The following RABEP1 variants were observed in gnomAD, a reference collection of about 807,000 sequenced individuals.
RABEP1 encodes the protein rabaptin, RAB GTPase binding effector protein 1, also known as rab GTPase-binding effector protein 1.
A neutral mutation model predicts 123.4 loss-of-function variants in RABEP1; 51 were observed. That is an observed-to-expected ratio of 0.41 (90% confidence interval 0.33 to 0.52). The LOEUF (loss-of-function observed/expected upper bound fraction) is 0.52, where lower values mean the gene tolerates loss of function less well. Ranked by LOEUF, RABEP1 falls within the 20% of genes least tolerant of loss-of-function variation. The probability of loss-of-function intolerance (pLI) is 0.16; values close to 1 mark genes in which losing one functional copy is unlikely to be tolerated. For missense variants in RABEP1, 888 were observed against 996.3 expected (o/e 0.89, Z 1.46); for synonymous variants, 347 against 355.2 (o/e 0.98, Z 0.26).
intron 6 of RABEP1, among the ~76,000 whole-genome samples, chr17:5,348,744 G>T (rs183744804): frequency 3.9e-4 from 59 of 152,078 alleles, no homozygotes; most frequent in African/African-American, 1.3e-3. Flanking sequence ...TGTATTTTTA[G>T]TAGAGATGGG....
rs779665772 is a variant in RABEP1, at chr17:5,377,164, C to T, written c.2074C>T (p.Arg692Trp). The T allele has an allele frequency of 1.4e-5, 22 of 1,610,420 alleles. No homozygotes were observed. Among genetic ancestry groups the T allele is most frequent in the South Asian group, 1.2e-4 (11 of 90,318 alleles). ...ATACCGTGAGGACATCATTAATGTG[C>T]GGACAGCAGCAGACCACGTAGAAGA... The part of the protein sequence containing the change: ...LKYREDIINV[R>W]TAADHVEEKL... The change falls in exon 14 of 18, where the codon CGG (arginine) becomes TGG (tryptophan). Residue 692 changes from arginine to tryptophan, a missense_variant. Coordinates refer to ENST00000537505, the MANE Select transcript of RABEP1 (RefSeq NM_004703.6).
chr17:5,356,726 C>CCT (rs1224302464), intron 8 of RABEP1, among the ~76,000 whole-genome samples: 1 of 140,686 alleles, frequency 7.1e-6, no homozygotes, highest in Non-Finnish European at 1.5e-5. Context: ...TCTTGGCTCA[C>CCT]TGCAGCCTTG....
At chr17:5,291,646 G>A (rs1036884989) in intron 1 of RABEP1, among the ~76,000 whole-genome samples, 2 of 152,086 alleles carry the variant, frequency 1.3e-5, no homozygotes, top group African/African-American at 4.8e-5. Flanking sequence ...GGTGGCTCAC[G>A]CCTGTAATCT....
chr17:5,373,564 A>G (rs1057339160), intron 13 of RABEP1, 110 bp downstream of exon 13: 22 of 1,222,034 alleles, frequency 1.8e-5, no homozygotes, highest in Admixed American at 7.6e-5. Flanking sequence ...TGCCAATTCA[A>G]CCATTTAAAA....
At chr17:5,331,870 T>G in intron 2 of RABEP1, 79 bp from the exon 3 acceptor site, 4 of 1,311,356 alleles carry the variant, frequency 3.1e-6, no homozygotes, top group Non-Finnish European at 4.3e-6. Flanking sequence ...ATTTTAAAAT[T>G]TAATACCTTA....
chr17:5,286,949 T>C (rs114071527), intron 1 of RABEP1, among the ~76,000 whole-genome samples: 4,459 of 152,204 alleles, frequency 0.029, 73 homozygotes, highest in Middle Eastern at 0.065. Context: ...TTGAAGTAGA[T>C]AGAGGAGTTA....
intron 1 of RABEP1, among the ~76,000 whole-genome samples, chr17:5,305,915 A>G (rs1165060786): frequency 5.9e-5 from 9 of 152,152 alleles, no homozygotes. Flanking sequence ...TAGAGACCCT[A>G]CATGTTAGTT....
intron 5 of RABEP1, among the ~76,000 whole-genome samples, chr17:5,346,054 T>A (rs889413906): frequency 2.0e-5 from 3 of 152,144 alleles, no homozygotes; most frequent in African/African-American, 2.4e-5. Context: ...GTATTTTTTT[T>A]AAAGATGTGG....
chr17:5,385,147 T>C lies in RABEP1; in HGVS notation c.*1924T>C, dbSNP rs988922578. 1 of 229,794 alleles carries C rather than the reference T, an allele frequency of 4.4e-6. No homozygotes were observed. Among genetic ancestry groups the C allele is most frequent in the Non-Finnish European group, 8.6e-6 (1 of 115,896 alleles). 14.2% of individuals were successfully genotyped at this position (229,794 alleles called of 1,614,324 possible). ...TGCCAACTGTTGGAATTCACTTTAT[T>C]GTAGAAAAACCCAAACTGAGACTCT... On this transcript the variant is annotated 3_prime_UTR_variant, in exon 18 of 18. Coordinates refer to ENST00000537505, the MANE Select transcript of RABEP1 (RefSeq NM_004703.6).
At chr17:5,319,457 C>T (rs573727855) in intron 2 of RABEP1, among the ~76,000 whole-genome samples, 16 of 151,978 alleles carry the variant, frequency 1.1e-4, no homozygotes, top group African/African-American at 3.6e-4. Flanking sequence ...ACCTCTGCCT[C>T]CCAGGTTCAA....
intron 1 of RABEP1, among the ~76,000 whole-genome samples, chr17:5,308,193 C>CTAAA (rs1197732549): frequency 6.7e-6 from 1 of 150,216 alleles, no homozygotes; most frequent in Admixed American, 6.6e-5. Flanking sequence ...TTACATGACT[C>CTAAA]ATTTACAGTT....
chr17:5,291,930 C>T (rs2075037539), intron 1 of RABEP1, among the ~76,000 whole-genome samples: 1 of 152,090 alleles, frequency 6.6e-6, no homozygotes, highest in African/African-American at 2.4e-5. Context: ...TCTGATTCAT[C>T]ATATAAATGT....
intron 9 of RABEP1, among the ~76,000 whole-genome samples, chr17:5,362,356 T>C (rs768228595): frequency 1.3e-5 from 2 of 152,222 alleles, no homozygotes; most frequent in Admixed American, 1.3e-4. Flanking sequence ...AGTGAGTTGC[T>C]CAAGTGTTCC....
At position 5,350,611 on chromosome 17, in the gene RABEP1, A is replaced by C. The variant is rs764818433; in HGVS notation, c.945A>C (p.Glu315Asp). The C allele has an allele frequency of 6.2e-7, 1 of 1,613,938 alleles. No homozygotes were observed. The highest frequency in any genetic ancestry group is 2.2e-5 in the East Asian group (1 of 44,878). The change falls in exon 7 of 18, where the codon GAA becomes GAC. Residue 315 changes from glutamate (E) to aspartate (D), a missense_variant. By Grantham distance (45) the Glu-to-Asp change is conservative. Coordinates refer to ENST00000537505, the MANE Select transcript of RABEP1 (RefSeq NM_004703.6). ...LTSEQLRQVEELKKKDQEDDE... is the reference protein window; with the variant it reads ...LTSEQLRQVEDLKKKDQEDDE... ...CAGAACAGCTCCGACAAGTTGAAGA[A>C]CTGAAGAAGAAAGATCAGGTGAATA...
intron 10 of RABEP1, among the ~76,000 whole-genome samples, 196 bp downstream of exon 10, chr17:5,363,212 T>G (rs1045727709): frequency 1.3e-5 from 2 of 151,544 alleles, no homozygotes; most frequent in African/African-American, 4.8e-5. Context: ...CTTTTTTTTT[T>G]TTTGTTTTTG....
Position 5,282,374 on chromosome 17 carries a change from C to T in RABEP1, c.-113C>T, listed in dbSNP as rs985592851. ...CGGATCCAGCCTTAGCGGTTTCTCT[C>T]TGGGCGGCGGCGGCGGCGGCTCGGT... is the stretch of plus-strand genomic sequence containing the variant. On this transcript the variant is annotated 5_prime_UTR_variant, in exon 1 of 18. Transcript: ENST00000537505. 5.6e-6 allele frequency: 5 copies of T among 895,658 alleles called. No individual in the cohort carries two copies. Among genetic ancestry groups the T allele is most frequent in the Non-Finnish European group, 7.6e-6 (5 of 661,976 alleles). The allele number at this position is 895,658 out of a possible 1,614,324, so 55.5% of individuals were successfully genotyped here.
intron 5 of RABEP1, among the ~76,000 whole-genome samples, chr17:5,339,974 A>T (rs77157661): frequency 0.019 from 2,943 of 152,318 alleles, 48 homozygotes; most frequent in Non-Finnish European, 0.03. Flanking sequence ...CATCAATAAG[A>T]TATAATAGTC....
rs117601614 is a variant in RABEP1, at chr17:5,361,738, A to C, written c.1563+63A>C. The C allele has an allele frequency of 2.1e-3, 2,837 of 1,383,494 alleles. 6 individuals carry two copies. Among genetic ancestry groups the C allele is most frequent in the Non-Finnish European group, 2.7e-3 (2,707 of 1,017,982 alleles). 85.7% of individuals were successfully genotyped at this position (1,383,494 alleles called of 1,614,324 possible). On this transcript the variant is annotated intron_variant, in intron 9 of 17. Transcript: ENST00000537505. ...CTGAGGCACACTGGGAAGCTCTGGGATTTAGCGTTCATTCAACAGACGGTT... is the reference window on the plus strand; with the variant it reads ...CTGAGGCACACTGGGAAGCTCTGGGCTTTAGCGTTCATTCAACAGACGGTT...
intron 5 of RABEP1, among the ~76,000 whole-genome samples, chr17:5,343,492 G>T (rs1033150990): frequency 7.2e-5 from 11 of 151,924 alleles, no homozygotes; most frequent in African/African-American, 2.4e-4. Flanking sequence ...CCCAGGAGGT[G>T]GAAGTTGCAG....
Sources: allele counts gnomAD v4.1 joint callset (sites outside exome capture counted in the v4.1 genomes callset), GRCh38; gene constraint gnomAD v4.1.1; transcripts MANE v1.5; gene names NCBI Gene and HGNC (gene_info 2026-07-23, HGNC 2026-07-21).